ZNF892: variants seen among roughly 807,000 people sequenced by gnomAD.
ZNF892 encodes the protein zinc finger protein 570-like.
chr2:95,214,289 C>T, the ZNF892 span: 1 of 398,110 alleles, frequency 2.5e-6, no homozygotes, highest in East Asian at 3.6e-5. Context: ...AGTTATTTTT[C>T]TCTCAGTGTA....
the ZNF892 span, among the ~76,000 whole-genome samples, chr2:95,245,584 G>GAAA: frequency 0.017 from 2,162 of 125,922 alleles, 33 homozygotes; most frequent in African/African-American, 0.038. Context: ...CTGGTTTTTT[G>GAAA]AAAAAAAAAA....
the ZNF892 span, among the ~76,000 whole-genome samples, chr2:95,235,158 T>C: frequency 7.2e-5 from 11 of 152,274 alleles, no homozygotes; most frequent in African/African-American, 2.6e-4. Flanking sequence ...AAAAGCAAAC[T>C]GAGTGTTGTT....
the ZNF892 span, among the ~76,000 whole-genome samples, chr2:95,248,574 C>A: frequency 2.0e-5 from 3 of 151,838 alleles, no homozygotes; most frequent in African/African-American, 4.8e-5. Flanking sequence ...GTTTCCCAGG[C>A]AGATCCCTAA....
At chr2:95,254,893 T>G in the ZNF892 span, among the ~76,000 whole-genome samples, 1 of 152,236 alleles carries the variant, frequency 6.6e-6, no homozygotes, top group Non-Finnish European at 1.5e-5. Context: ...TATTCTCTGA[T>G]GGTGGTTTGT....
chr2:95,253,584 T>G, the ZNF892 span, among the ~76,000 whole-genome samples: 1 of 152,216 alleles, frequency 6.6e-6, no homozygotes, highest in Non-Finnish European at 1.5e-5. Context: ...TTTGGTTCCA[T>G]ATGCACTTTA....
the ZNF892 span, among the ~76,000 whole-genome samples, chr2:95,218,958 A>G: frequency 6.6e-6 from 1 of 152,296 alleles, no homozygotes; most frequent in Admixed American, 6.5e-5. Context: ...TCGTGGGGAC[A>G]TAGTTCATAA....
At chr2:95,229,509 T>C in the ZNF892 span, among the ~76,000 whole-genome samples, 2 of 152,130 alleles carry the variant, frequency 1.3e-5, no homozygotes, top group Non-Finnish European at 2.9e-5. Flanking sequence ...TTGGTTTCTA[T>C]CTCCTCTACT....
chr2:95,245,034 A>G, the ZNF892 span, among the ~76,000 whole-genome samples: 2 of 152,196 alleles, frequency 1.3e-5, no homozygotes, highest in Non-Finnish European at 2.9e-5. Flanking sequence ...GGACACAGCT[A>G]AAGCAATGTT....
At chr2:95,255,813 G>T in the ZNF892 span, among the ~76,000 whole-genome samples, 3 of 152,176 alleles carry the variant, frequency 2.0e-5, no homozygotes, top group African/African-American at 7.2e-5. Flanking sequence ...TTGTTGAATT[G>T]ATCCCTTTAC....
chr2:95,245,276 A>G, the ZNF892 span, among the ~76,000 whole-genome samples: 1 of 129,208 alleles, frequency 7.7e-6, no homozygotes. Flanking sequence ...TTTGAGACAG[A>G]GTCTCACTTT....
At chr2:95,244,941 T>C in the ZNF892 span, among the ~76,000 whole-genome samples, 1 of 152,276 alleles carries the variant, frequency 6.6e-6, no homozygotes, top group South Asian at 2.1e-4. Flanking sequence ...GAATGACTCT[T>C]GGGTAAATCA....
chr2:95,211,806 A>G, the ZNF892 span: 2 of 397,672 alleles, frequency 5.0e-6, no homozygotes, highest in Admixed American at 4.4e-5. Context: ...AGGTCCTTAT[A>G]TTCAATGATT....
chr2:95,222,897 C>T, the ZNF892 span, among the ~76,000 whole-genome samples: 2 of 152,144 alleles, frequency 1.3e-5, no homozygotes, highest in South Asian at 2.1e-4. Flanking sequence ...TCACTTACAT[C>T]CATTTTAGGT....
the ZNF892 span, among the ~76,000 whole-genome samples, chr2:95,215,845 A>G: frequency 1.3e-5 from 2 of 152,208 alleles, no homozygotes; most frequent in Non-Finnish European, 2.9e-5. Flanking sequence ...CCTAACGTGT[A>G]TGTAAATTGC....
chr2:95,226,493 T>C, the ZNF892 span, among the ~76,000 whole-genome samples: 1 of 152,320 alleles, frequency 6.6e-6, no homozygotes, highest in African/African-American at 2.4e-5. Context: ...TGTCCTACTT[T>C]GGTTCGACTT....
At chr2:95,252,590 G>T in the ZNF892 span, among the ~76,000 whole-genome samples, 1 of 152,104 alleles carries the variant, frequency 6.6e-6, no homozygotes, top group African/African-American at 2.4e-5. Flanking sequence ...TAATGCTTTG[G>T]GTATATACCC....
At chr2:95,255,817 C>T in the ZNF892 span, among the ~76,000 whole-genome samples, 1 of 152,142 alleles carries the variant, frequency 6.6e-6, no homozygotes, top group Non-Finnish European at 1.5e-5. Context: ...TGAATTGATC[C>T]CTTTACCATT....
the ZNF892 span, among the ~76,000 whole-genome samples, chr2:95,250,644 TATAA>T: frequency 1.4e-5 from 2 of 138,776 alleles, no homozygotes; most frequent in Non-Finnish European, 3.2e-5. Context: ...AATTTATAAA[TATAA>T]ACTATTCATA....
At chr2:95,236,368 T>TAAGAGAA in the ZNF892 span, among the ~76,000 whole-genome samples, 1 of 152,212 alleles carries the variant, frequency 6.6e-6, no homozygotes, top group African/African-American at 2.4e-5. Context: ...ATAGATAGCT[T>TAAGAGAA]AAGAGAAAAG....
Sources: gnomAD v4.1 joint callset for allele counts (sites outside exome capture counted in the v4.1 genomes callset) on GRCh38, gnomAD v4.1.1 for gene constraint, MANE v1.5 for transcripts, NCBI Gene and HGNC (gene_info 2026-07-23, HGNC 2026-07-21) for gene names.